The following CTIF variants were observed in gnomAD, a reference collection of about 807,000 sequenced individuals.
CTIF encodes the protein cap binding complex dependent translation initiation factor.
A neutral mutation model predicts 66.0 loss-of-function variants in CTIF; 21 were observed. That is an observed-to-expected ratio of 0.32 (90% CI 0.23 to 0.46). The LOEUF (loss-of-function observed/expected upper bound fraction) is 0.46. Ranked by LOEUF, CTIF falls within the 20% of genes least tolerant of loss-of-function variation. The pLI, the probability that CTIF is intolerant of heterozygous loss-of-function variation, is 1.00. For synonymous variants in CTIF, 345 were observed against 326.4 expected, an observed-to-expected ratio of 1.06 and a Z score of -0.62; for missense variants, 739 against 812.7, an observed-to-expected ratio of 0.91 and a Z score of 1.10.
Position 48,668,530 on chromosome 18 carries a change from G to A in CTIF, c.432-2139G>A, listed in dbSNP as rs139503626. Reference sequence around the variant, plus strand: ...GTTGTGGGGACAGCCGGGGGCCGGGGGAAACTTTTTCTTTTCCTTCATGCC... The same window carrying A: ...GTTGTGGGGACAGCCGGGGGCCGGGAGAAACTTTTTCTTTTCCTTCATGCC... On this transcript the variant is annotated intron_variant, in intron 5 of 11. Transcript: ENST00000256413. Among the ~76,000 whole-genome samples, 739 of 152,266 alleles carry A rather than the reference G, an allele frequency of 4.9e-3. 12 individuals carry two copies. Among genetic ancestry groups the A allele is most frequent in the African/African-American group, 0.017 (703 of 41,528 alleles).
chr18:48,812,608 G>A (rs139161694), intron 9 of CTIF, among the ~76,000 whole-genome samples: 2,201 of 152,158 alleles, frequency 0.014, 26 homozygotes, highest in Non-Finnish European at 0.023. Flanking sequence ...TTAAAAGTTA[G>A]CCAGGCATAG....
At position 48,670,672 on chromosome 18, in the gene CTIF, T is replaced by C. The variant is rs1045621995; in HGVS notation, c.435T>C (p.Cys145=). The C allele has an allele frequency of 4.3e-6, 7 of 1,613,804 alleles. No homozygotes were observed. Among genetic ancestry groups the C allele is most frequent in the Admixed American group, 1.7e-5 (1 of 60,002 alleles). Residue 145 remains cysteine (C), a synonymous_variant, in exon 6 of 12, where the codon TGT becomes TGC. Coordinates refer to ENST00000256413, the MANE Select transcript of CTIF (RefSeq NM_014772.3). ...CTTTCTGTCTTTTCTGGTCCAGGTG[T>C]GGCAAAGGGAAGCTGGAAGATGGGG... The part of the protein sequence containing the change: ...QPLPHIDREG[C]GKGKLEDGDG...
intron 1 of CTIF, among the ~76,000 whole-genome samples, chr18:48,592,516 AAAAG>A (rs1017633222): frequency 1.3e-5 from 2 of 151,308 alleles, no homozygotes; most frequent in Admixed American, 6.6e-5. Flanking sequence ...AAAAAAAAGA[AAAAG>A]AAAAAGAAAA....
intron 2 of CTIF, among the ~76,000 whole-genome samples, chr18:48,621,856 T>C (rs1000812244): frequency 2.6e-5 from 4 of 152,096 alleles, no homozygotes; most frequent in African/African-American, 9.7e-5. Flanking sequence ...AATAGGAGCA[T>C]TGACCTGTGT....
At chr18:48,772,948 T>C (rs1910313867) in intron 9 of CTIF, among the ~76,000 whole-genome samples, 1 of 152,182 alleles carries the variant, frequency 6.6e-6, no homozygotes, top group South Asian at 2.1e-4. Context: ...GGGGGAAATA[T>C]CATGAACCAA....
intron 1 of CTIF, among the ~76,000 whole-genome samples, chr18:48,553,202 T>G (rs924613083): frequency 6.6e-6 from 1 of 152,188 alleles, no homozygotes; most frequent in Non-Finnish European, 1.5e-5. Context: ...CTTTTGATGG[T>G]GTGGGCTTTG....
intron 10 of CTIF, among the ~76,000 whole-genome samples, chr18:48,841,544 T>G (rs2146544909): frequency 6.6e-6 from 1 of 152,336 alleles, no homozygotes; most frequent in East Asian, 1.9e-4. Flanking sequence ...AGCTGGCCTG[T>G]CCGCCCCTGG....
chr18:48,784,439 T>C (rs916612375), intron 9 of CTIF, among the ~76,000 whole-genome samples: 1 of 151,566 alleles, frequency 6.6e-6, no homozygotes, highest in Non-Finnish European at 1.5e-5. Context: ...GAGGAGAGAG[T>C]GTGGGCCAGA....
chr18:48,779,695 C>A (rs1911027307), intron 9 of CTIF, among the ~76,000 whole-genome samples: 1 of 152,194 alleles, frequency 6.6e-6, no homozygotes. Context: ...TCCTGTCTTG[C>A]CGGGGGTGGG....
At chr18:48,814,247 G>A (rs1282102802) in intron 9 of CTIF, among the ~76,000 whole-genome samples, 1 of 152,188 alleles carries the variant, frequency 6.6e-6, no homozygotes, top group African/African-American at 2.4e-5. Flanking sequence ...TAACACCCGA[G>A]TTAGCACTTG....
rs200237118 is a variant in CTIF at position 48,566,983 on chromosome 18, G to T, written c.-29+27671G>T. The T allele has an allele frequency of 6.6e-5, 10 of 152,188 alleles. No homozygotes were observed. The East Asian group carries it at 1.3e-3, about 20-fold the overall frequency. 9.4% of individuals were successfully genotyped at this position (152,188 alleles called of 1,614,324 possible). ...AACCATTAAATTTTTAAAAAATTCT[G>T]TGAAGCTAATAGTCAAAGGGTTAGT... On this transcript the variant is annotated intron_variant, in intron 1 of 11. Coordinates refer to ENST00000256413, the MANE Select transcript of CTIF (RefSeq NM_014772.3).
At chr18:48,817,606 T>C (rs950538702) in intron 10 of CTIF, among the ~76,000 whole-genome samples, 6 of 152,040 alleles carry the variant, frequency 3.9e-5, no homozygotes, top group African/African-American at 1.4e-4. Flanking sequence ...TGAAACCCCA[T>C]CTCTACTAAA....
At position 48,838,158 on chromosome 18, in the gene CTIF, G is replaced by C. The variant is rs146948063; in HGVS notation, c.1528-19430G>C. 5.0e-3 allele frequency among the ~76,000 whole-genome samples: 761 copies of C among 152,118 alleles called. 7 individuals carry two copies. The highest frequency in any genetic ancestry group is 0.017 in the African/African-American group (705 of 41,478). ...TCACTTCTCCAAGTGTGTAGTCTTG[G>C]CATTAATTAAAATCCAGAAATGACA... On this transcript the variant is annotated intron_variant, in intron 10 of 11. Transcript: ENST00000256413.
chr18:48,568,633 TAAAAAAAAAAAAAAAAAAAA>T (rs58084631), intron 1 of CTIF, among the ~76,000 whole-genome samples: 4 of 36,626 alleles, frequency 1.1e-4, no homozygotes, highest in South Asian at 1.7e-3. Flanking sequence ...GGGCAATTTG[TAAAAAAAAAAAAAAAAAAAA>T]AAAAAAAAAA....
intron 9 of CTIF, among the ~76,000 whole-genome samples, chr18:48,804,865 C>CCCCTCA (rs1246573792): frequency 6.6e-6 from 1 of 152,150 alleles, no homozygotes; most frequent in Admixed American, 6.5e-5. Flanking sequence ...TCTGACTCTG[C>CCCCTCA]CCCTCACCGT....
intron 1 of CTIF, among the ~76,000 whole-genome samples, chr18:48,545,528 A>G (rs1182513286): frequency 6.6e-6 from 1 of 152,140 alleles, no homozygotes; most frequent in Admixed American, 6.5e-5. Flanking sequence ...GGATAAGGGA[A>G]TCATCTCAGT....
chr18:48,824,686 G>A (rs1368368634), intron 10 of CTIF, among the ~76,000 whole-genome samples: 1 of 151,488 alleles, frequency 6.6e-6, no homozygotes, highest in East Asian at 1.9e-4. Flanking sequence ...CGCCCAGGCT[G>A]GAGTGCAGTG....
chr18:48,551,826 C>T (rs1353828411), intron 1 of CTIF, among the ~76,000 whole-genome samples: 2 of 151,622 alleles, frequency 1.3e-5, no homozygotes, highest in Admixed American at 1.3e-4. Flanking sequence ...GAGACGGAGT[C>T]TTACTCTGTC....
intron 1 of CTIF, among the ~76,000 whole-genome samples, chr18:48,590,491 A>T (rs2089865891): frequency 6.6e-6 from 1 of 152,224 alleles, no homozygotes; most frequent in Admixed American, 6.5e-5. Context: ...AGTCCAGTGC[A>T]CCCTTTCTGC....
Sources: gnomAD v4.1 joint callset for allele counts (sites outside exome capture counted in the v4.1 genomes callset) on GRCh38, gnomAD v4.1.1 for gene constraint, MANE v1.5 for transcripts, NCBI Gene and HGNC (gene_info 2026-07-23, HGNC 2026-07-21) for gene names.